Variants in ZNF462 observed in about 807,000 individuals in gnomAD.
The protein encoded by ZNF462 is zinc finger PBX1-interacting protein.
A neutral mutation model predicts 201.9 loss-of-function variants in ZNF462; 10 were observed. The ratio of observed to expected loss-of-function variants is 0.05; its 90% CI spans 0.03 to 0.08. The LOEUF is 0.08. Ranked by LOEUF, ZNF462 falls within the 10% of genes least tolerant of loss-of-function variation. ZNF462 has a pLI of 1.00. For synonymous variants in ZNF462, 1,227 were observed against 1,193.3 expected (o/e 1.03, Z -0.58); for missense variants, 2,523 against 3,168.3 (o/e 0.80, Z 4.89).
intron 1 of ZNF462, among the ~76,000 whole-genome samples, chr9:106,912,229 A>G (rs752746314): frequency 2.0e-5 from 3 of 149,384 alleles, no homozygotes; most frequent in Non-Finnish European, 3.0e-5. Flanking sequence ...GCATAAAGCT[A>G]CTACATAACA....
chr9:106,902,450 G>A lies in ZNF462; in HGVS notation c.-30-20904G>A, dbSNP rs1184735317. On this transcript the variant is annotated intron_variant, in intron 1 of 12. Transcript: ENST00000277225. The surrounding 1 kb of genome is among the most constrained non-coding windows in gnomAD (Gnocchi z 4.2). ...CTGGATTCATAGAATGAATTAGGGA[G>A]GGTTCTCTCTCTCTCTCTGTCTTGT... Among the ~76,000 whole-genome samples, 2 of 151,986 alleles carry A rather than the reference G, an allele frequency of 1.3e-5. No homozygotes were observed. Among genetic ancestry groups the A allele is most frequent in the Admixed American group, 1.3e-4 (2 of 15,264 alleles).
intron 9 of ZNF462, chr9:106,975,612 G>A (rs1826939856): frequency 6.6e-6 from 1 of 152,252 alleles, no homozygotes; most frequent in Non-Finnish European, 1.5e-5. Flanking sequence ...GGTCCCGCCT[G>A]GTGTTCCGCC....
rs949445458 is a variant in ZNF462, at chr9:106,902,704, G to A, written c.-30-20650G>A. 6.6e-6 allele frequency among the ~76,000 whole-genome samples: 1 copy of A among 151,982 alleles called. No individual in the cohort carries two copies. Among genetic ancestry groups the A allele is most frequent in the African/African-American group, 2.4e-5 (1 of 41,392 alleles). ...ATCTCTCCTAGGTTTTCTAGTTTAT[G>A]TGCATAAAGATGTTCATAGTAACCT... On this transcript the variant is annotated intron_variant, in intron 1 of 12. Transcript: ENST00000277225. The surrounding 1 kb of genome is among the most constrained non-coding windows in gnomAD (Gnocchi z 4.2).
rs370941011 is a variant in ZNF462 at position 106,925,701 on chromosome 9, C to T, written c.1789C>T (p.Leu597=). 5.0e-6 allele frequency: 8 copies of T among 1,614,080 alleles called. No homozygotes were observed. The highest frequency in any genetic ancestry group is 3.3e-5 in the South Asian group (3 of 91,086). The change falls in exon 3 of 13, where the codon CTG becomes TTG. Residue 597 remains leucine, a synonymous_variant. Coordinates refer to ENST00000277225, the MANE Select transcript of ZNF462 (RefSeq NM_021224.6). The surrounding 1 kb of genome is among the most constrained non-coding windows in gnomAD (Gnocchi z 7.9). ...ACAGCCACCCACACAAGCCGCACCT[C>T]TGCACCCATACAAATGCACCATGTG... The part of the protein sequence containing the change: ...QPQPPTQAAP[L]HPYKCTMCNY...
rs2130772232 is a variant in ZNF462, at chr9:106,865,371, A to G, written c.-31+2016A>G. On this transcript the variant is annotated intron_variant, in intron 1 of 12. Transcript: ENST00000277225. The surrounding 1 kb of genome is among the most constrained non-coding windows in gnomAD (Gnocchi z 4.1). ...TGATTTCCTCCTTGTGAAGATGGTG[A>G]TGGCCCTAAGCTGAGATTTTTTTGA... is the stretch of plus-strand genomic sequence containing the variant. 6.6e-6 allele frequency among the ~76,000 whole-genome samples: 1 copy of G among 152,298 alleles called. No individual in the cohort carries two copies. Among genetic ancestry groups the G allele is most frequent in the African/African-American group, 2.4e-5 (1 of 41,576 alleles).
In ZNF462 at chr9:106,974,388, T is replaced by G; in HGVS notation, c.6832+115T>G. 6.6e-7 allele frequency: 1 copy of G among 1,505,578 alleles called. No individual in the cohort carries two copies. The highest frequency in any genetic ancestry group is 9.2e-7 in the Non-Finnish European group (1 of 1,082,676). 93.3% of individuals were successfully genotyped at this position (1,505,578 alleles called of 1,614,324 possible). A position where few individuals can be genotyped will look rare whatever the true frequency, so the allele number is the denominator to read the frequency against. ...CACCTGTGCCTTGTTCCTCACCTTA[T>G]CTTCAGGCAAGAAACCACAGTGATA... On this transcript the variant is annotated intron_variant, in intron 9 of 12. Coordinates refer to ENST00000277225, the MANE Select transcript of ZNF462 (RefSeq NM_021224.6). The surrounding 1 kb of genome is among the most constrained non-coding windows in gnomAD (Gnocchi z 4.0).
rs533326383 is a variant in ZNF462 at position 106,908,673 on chromosome 9, A to T, written c.-30-14681A>T. Among the ~76,000 whole-genome samples, 6 of 151,544 alleles carry T rather than the reference A, an allele frequency of 4.0e-5. No individual in the cohort carries two copies. The East Asian group carries it at 1.2e-3, about 29-fold the overall frequency. ...CATATACCTAATTCTAATTAATTTT[A>T]TGCATTCTCTTTTATATTTCTGTGC... is the stretch of plus-strand genomic sequence containing the variant. On this transcript the variant is annotated intron_variant, in intron 1 of 12. Transcript: ENST00000277225.
At chr9:106,869,411 A>G (rs541477067) in intron 1 of ZNF462, among the ~76,000 whole-genome samples, 1 of 152,342 alleles carries the variant, frequency 6.6e-6, no homozygotes, top group East Asian at 1.9e-4. Context: ...TTTAACCATG[A>G]GCAATGGGAC....
rs553112208 is a variant in ZNF462, at chr9:107,003,064, G to A, written c.7057-230G>A. 6.6e-6 allele frequency among the ~76,000 whole-genome samples: 1 copy of A among 152,282 alleles called. No individual in the cohort carries two copies. Among genetic ancestry groups the A allele is most frequent in the East Asian group, 1.9e-4 (1 of 5,172 alleles). On this transcript the variant is annotated intron_variant, in intron 10 of 12. Coordinates refer to ENST00000277225, the MANE Select transcript of ZNF462 (RefSeq NM_021224.6). This position sits in a 1 kb window ranked among gnomAD's most constrained non-coding sequence, Gnocchi z 4.4. The stretch of plus-strand genomic sequence containing the variant: ...GTTTCTTCACAAGTTTGGTAATGAA[G>A]GTCCGGTGTACAAAAGTTCCGGTGA...
intron 7 of ZNF462, among the ~76,000 whole-genome samples, chr9:106,943,263 A>G (rs1311299494): frequency 6.6e-6 from 1 of 152,164 alleles, no homozygotes; most frequent in African/African-American, 2.4e-5. Context: ...TTTTGTACCG[A>G]TTTTTAAATA....
In ZNF462 at chr9:106,932,114, C is replaced by CT; in HGVS notation, c.6013-331dup. The stretch of plus-strand genomic sequence containing the variant: ...AATGGCAGTTGGGCTTGCTCTCCCT[C>CT]TAGGGGTAGCTGGAGAGGCAGGGGA... On this transcript the variant is annotated intron_variant, in intron 4 of 12. Transcript: ENST00000277225. This position sits in a 1 kb window ranked among gnomAD's most constrained non-coding sequence, Gnocchi z 6.8. 7.8e-7 allele frequency: 1 copy of CT among 1,277,394 alleles called. No homozygotes were observed. Among genetic ancestry groups the CT allele is most frequent in the Non-Finnish European group, 1.1e-6 (1 of 945,282 alleles). 79.1% of individuals were successfully genotyped at this position (1,277,394 alleles called of 1,614,324 possible).
rs532477153 is a variant in ZNF462, at chr9:106,905,303, C to A, written c.-30-18051C>A. ...TAAGGGGTCTCTCAGCCATGGATAC[C>A]AGCACCTGTTCTGGTGGAGGTGGCA... On this transcript the variant is annotated intron_variant, in intron 1 of 12. Transcript: ENST00000277225. This position sits in a 1 kb window ranked among gnomAD's most constrained non-coding sequence, Gnocchi z 5.9. Among the ~76,000 whole-genome samples, 1 of 152,246 alleles carries A rather than the reference C, an allele frequency of 6.6e-6. No individual in the cohort carries two copies. The highest frequency in any genetic ancestry group is 6.5e-5 in the Admixed American group (1 of 15,294).
chr9:106,910,275 T>C lies in ZNF462; in HGVS notation c.-30-13079T>C, dbSNP rs563535715. ...CTCTGTTAATTGTTGTATATAATTT[T>C]CTTCTGTGTCCTGTTCCTCCAAAAT... On this transcript the variant is annotated intron_variant, in intron 1 of 12. Coordinates refer to ENST00000277225, the MANE Select transcript of ZNF462 (RefSeq NM_021224.6). Among the ~76,000 whole-genome samples the C allele has an allele frequency of 4.6e-5, 7 of 152,166 alleles. No individual in the cohort carries two copies. The South Asian group carries it at 1.2e-3, about 27-fold the overall frequency.
rs10978677 is a variant in ZNF462 at position 106,923,180 on chromosome 9, C to T, written c.-30-174C>T. On this transcript the variant is annotated intron_variant, in intron 1 of 12. Coordinates refer to ENST00000277225, the MANE Select transcript of ZNF462 (RefSeq NM_021224.6). The surrounding 1 kb of genome is among the most constrained non-coding windows in gnomAD (Gnocchi z 5.6). The stretch of plus-strand genomic sequence containing the variant: ...TTTGAAGTTATGAGGTCAAGGACAT[C>T]ATCTCCATTATGTCTGATTGCCTCT... Among the ~76,000 whole-genome samples the T allele has an allele frequency of 1.2e-4, 19 of 152,162 alleles. No homozygotes were observed. Among genetic ancestry groups the T allele is most frequent in the Non-Finnish European group, 2.8e-4 (19 of 68,028 alleles).
At chr9:106,862,942 T>C (rs1256685205), upstream of ZNF462, among the ~76,000 whole-genome samples, 1 of 151,948 alleles carries the variant, frequency 6.6e-6, no homozygotes, top group Non-Finnish European at 1.5e-5. The surrounding 1 kb of genome is among the most constrained non-coding windows in gnomAD (Gnocchi z 4.2). Context: ...CAGGAGAAGA[T>C]TGTCTTCCTT....
At chr9:106,914,376 A>G (rs1829681640) in intron 1 of ZNF462, among the ~76,000 whole-genome samples, 1 of 152,180 alleles carries the variant, frequency 6.6e-6, no homozygotes, top group Non-Finnish European at 1.5e-5. Context: ...AGCAGTATCC[A>G]TAGCCTTTAC....
chr9:106,924,080 T>A lies in ZNF462; in HGVS notation c.221-53T>A, dbSNP rs1374202063. On this transcript the variant is annotated intron_variant, in intron 2 of 12. Coordinates refer to ENST00000277225, the MANE Select transcript of ZNF462 (RefSeq NM_021224.6). The surrounding 1 kb of genome is among the most constrained non-coding windows in gnomAD (Gnocchi z 6.2). ...TTGGAATGGTACTGATTTGCATGAT[T>A]GGATATTTTAATTATCTTTTGCTTT... 1 of 1,424,736 alleles carries A rather than the reference T, an allele frequency of 7.0e-7. No homozygotes were observed. Among genetic ancestry groups the A allele is most frequent in the African/African-American group, 1.4e-5 (1 of 69,864 alleles). 88.3% of individuals were successfully genotyped at this position (1,424,736 alleles called of 1,614,324 possible).
chr9:106,887,165 G>C (rs1467579138), intron 1 of ZNF462, among the ~76,000 whole-genome samples: 1 of 152,140 alleles, frequency 6.6e-6, no homozygotes, highest in African/African-American at 2.4e-5. Context: ...CAGTTTGAAC[G>C]AATGATAAGG....
rs1463583065 is a variant in ZNF462 at position 106,872,871 on chromosome 9, T to C, written c.-31+9516T>C. 6.6e-6 allele frequency among the ~76,000 whole-genome samples: 1 copy of C among 152,232 alleles called. No individual in the cohort carries two copies. The highest frequency in any genetic ancestry group is 1.5e-5 in the Non-Finnish European group (1 of 68,034). ...ATGCTGTCTTCCCTCGTGGACTGAC[T>C]CATAGTTAATACTGGACAACGGTTT... On this transcript the variant is annotated intron_variant, in intron 1 of 12. Transcript: ENST00000277225. The surrounding 1 kb of genome is among the most constrained non-coding windows in gnomAD (Gnocchi z 4.5).
Sources: gnomAD v4.1 joint callset for allele counts (sites outside exome capture counted in the v4.1 genomes callset) on GRCh38, gnomAD v4.1.1 for gene constraint, Gnocchi (gnomAD v3.1) non-coding constraint, MANE v1.5 for transcripts, NCBI Gene and HGNC (gene_info 2026-07-23, HGNC 2026-07-21) for gene names.